The following RBFOX1 variants were observed in gnomAD, a reference collection of about 807,000 sequenced individuals.
RBFOX1 encodes the protein RNA binding fox-1 homolog 1.
Under a neutral mutation model 57.7 loss-of-function variants are expected in RBFOX1, and 8 were observed. That is an observed-to-expected ratio of 0.14 (90% CI 0.08 to 0.25). RBFOX1 has a LOEUF of 0.25. Among genes scored for constraint, RBFOX1 ranks in the 10% least tolerant of loss-of-function variants. RBFOX1 has a pLI of 1.00. For missense variants in RBFOX1, 611 were observed against 548.5 expected (o/e 1.11, Z -1.14); for synonymous variants, 326 against 222.4 (o/e 1.47, Z -4.15).
intron 1 of RBFOX1, among the ~76,000 whole-genome samples, chr16:5,253,023 TCTC>T (rs945361612): frequency 2.0e-5 from 3 of 152,198 alleles, no homozygotes; most frequent in Admixed American, 2.0e-4. Flanking sequence ...CGTGAGGGGT[TCTC>T]CTCTGAGGTG....
chr16:5,302,443 A>G (rs1171384780), intron 1 of RBFOX1, among the ~76,000 whole-genome samples: 3 of 152,204 alleles, frequency 2.0e-5, no homozygotes, highest in African/African-American at 7.2e-5. Flanking sequence ...ATAAATATCA[A>G]GTAGGTCAAG....
chr16:6,966,013 A>T (rs532608596), intron 3 of RBFOX1, among the ~76,000 whole-genome samples: 1 of 152,214 alleles, frequency 6.6e-6, no homozygotes, highest in Non-Finnish European at 1.5e-5. Flanking sequence ...GGAGCGTATC[A>T]TAGAAAATCG....
intron 3 of RBFOX1, among the ~76,000 whole-genome samples, chr16:6,667,208 G>A (rs1442131081): frequency 2.0e-5 from 3 of 152,124 alleles, no homozygotes; most frequent in East Asian, 3.9e-4. Context: ...AAACCTAAAC[G>A]ACAGATGATG....
At chr16:7,146,134 A>T (rs1397633903) in intron 4 of RBFOX1, among the ~76,000 whole-genome samples, 1 of 152,174 alleles carries the variant, frequency 6.6e-6, no homozygotes, top group Non-Finnish European at 1.5e-5. Context: ...AGGTTAAGGG[A>T]TGAGCAATGG....
At chr16:5,670,176 C>T (rs1178951886) in intron 3 of RBFOX1, among the ~76,000 whole-genome samples, 1 of 150,750 alleles carries the variant, frequency 6.6e-6, no homozygotes, top group Non-Finnish European at 1.5e-5. Context: ...GGGCTGGGGG[C>T]TGGGGGAGGG....
intron 2 of RBFOX1, among the ~76,000 whole-genome samples, chr16:5,532,874 C>A (rs2044543287): frequency 6.6e-6 from 1 of 152,168 alleles, no homozygotes; most frequent in South Asian, 2.1e-4. Flanking sequence ...CTTCTCCTTC[C>A]CTTTCTGCCT....
chr16:6,573,926 A>G (rs12935703), intron 2 of RBFOX1: 56,410 of 152,154 alleles, frequency 0.37, 12,249 homozygotes, highest in Non-Finnish European at 0.48. Context: ...AAGACAGGCA[A>G]GCCATACTGG....
At chr16:6,861,090 A>T (rs903025623) in intron 3 of RBFOX1, among the ~76,000 whole-genome samples, 5 of 152,112 alleles carry the variant, frequency 3.3e-5, no homozygotes, top group African/African-American at 7.2e-5. Context: ...TATATTTGTT[A>T]TATTTTATGT....
intron 4 of RBFOX1, among the ~76,000 whole-genome samples, chr16:7,480,331 C>A (rs1257403554): frequency 1.3e-5 from 2 of 152,192 alleles, no homozygotes; most frequent in Non-Finnish European, 1.5e-5. Context: ...CCCTCTCTTT[C>A]AACCTGAGCT....
At chr16:5,293,244 C>A (rs1322160336) in intron 1 of RBFOX1, among the ~76,000 whole-genome samples, 4 of 152,082 alleles carry the variant, frequency 2.6e-5, no homozygotes, top group Admixed American at 6.6e-5. Flanking sequence ...ATCGCTTGAA[C>A]CTGGGAGGTG....
chr16:6,132,952 GA>G (rs1257539851), intron 1 of RBFOX1, among the ~76,000 whole-genome samples: 3 of 143,946 alleles, frequency 2.1e-5, no homozygotes, highest in East Asian at 4.1e-4. Flanking sequence ...GCAACAGAAC[GA>G]GACTCTGTCT....
At chr16:7,364,156 C>G (rs577737077) in intron 4 of RBFOX1, among the ~76,000 whole-genome samples, 10 of 152,292 alleles carry the variant, frequency 6.6e-5, no homozygotes, top group Admixed American at 4.6e-4. Flanking sequence ...GTGCAGGAGT[C>G]TACAACAGCT....
intron 6 of RBFOX1, 135 bp downstream of exon 6, chr16:7,580,055 G>T (rs2093633312): frequency 1.1e-6 from 1 of 936,904 alleles, no homozygotes; most frequent in Non-Finnish European, 1.6e-6. Context: ...AGCCTAGTCT[G>T]CAGGTATATT....
intron 1 of RBFOX1, among the ~76,000 whole-genome samples, chr16:5,266,731 A>G (rs920164636): frequency 6.6e-6 from 1 of 150,768 alleles, no homozygotes. Flanking sequence ...GTATTTATTT[A>G]TTTTTTGCAG....
chr16:6,919,971 C>T (rs142016928), intron 3 of RBFOX1, among the ~76,000 whole-genome samples: 15 of 152,106 alleles, frequency 9.9e-5, no homozygotes, highest in African/African-American at 3.4e-4. Context: ...AAGTCCATTA[C>T]ATCATTCTTG....
chr16:5,376,008 A>C (rs1182349796), intron 1 of RBFOX1, among the ~76,000 whole-genome samples: 1 of 151,994 alleles, frequency 6.6e-6, no homozygotes, highest in Non-Finnish European at 1.5e-5. Flanking sequence ...CTCTACTAAA[A>C]AATACAAAAA....
intron 3 of RBFOX1, among the ~76,000 whole-genome samples, chr16:6,769,689 C>T (rs2077980338): frequency 6.6e-6 from 1 of 152,098 alleles, no homozygotes; most frequent in Non-Finnish European, 1.5e-5. Context: ...GCTAATGTTC[C>T]CTGCTGATGT....
At chr16:6,408,481 T>C (rs2093358540) in intron 2 of RBFOX1, among the ~76,000 whole-genome samples, 1 of 152,208 alleles carries the variant, frequency 6.6e-6, no homozygotes. Flanking sequence ...TCAGCTCATC[T>C]TTGACCTGCC....
chr16:6,565,895 C>G (rs1277038585), intron 2 of RBFOX1, among the ~76,000 whole-genome samples: 2 of 152,176 alleles, frequency 1.3e-5, no homozygotes, highest in Non-Finnish European at 2.9e-5. Context: ...CCCCCAATAT[C>G]CATGGCTTAA....
Sources: allele counts gnomAD v4.1 joint callset (sites outside exome capture counted in the v4.1 genomes callset), GRCh38; gene constraint gnomAD v4.1.1; transcripts MANE v1.5; gene names NCBI Gene and HGNC (gene_info 2026-07-23, HGNC 2026-07-21).